The following KANSL1L variants were observed in gnomAD, a reference collection of about 807,000 sequenced individuals.
The protein encoded by KANSL1L is KAT8 regulatory NSL complex subunit 1-like protein.
In KANSL1L, 25 loss-of-function variants were observed where a neutral mutation model predicts 108.6. The ratio of observed to expected loss-of-function variants is 0.23; its 90% CI spans 0.17 to 0.32. The LOEUF (loss-of-function observed/expected upper bound fraction) is 0.32, where lower values mean the gene tolerates loss of function less well. KANSL1L is among the 10% of genes least tolerant of loss of function. The probability of loss-of-function intolerance (pLI) is 1.00; values close to 1 mark genes in which losing one functional copy is unlikely to be tolerated. For synonymous variants in KANSL1L, 405 were observed against 395.1 expected (o/e 1.03, Z -0.30); for missense variants, 1,137 against 1,125.7 (o/e 1.01, Z -0.14).
intron 6 of KANSL1L, among the ~76,000 whole-genome samples, chr2:210,066,168 TAAG>T (rs1363962436): frequency 6.6e-6 from 1 of 152,274 alleles, no homozygotes; most frequent in Admixed American, 6.5e-5. Flanking sequence ...GATTAAGTCT[TAAG>T]AAGAACTCCT....
chr2:210,092,090 G>A (rs2125387719), intron 5 of KANSL1L, among the ~76,000 whole-genome samples: 1 of 152,172 alleles, frequency 6.6e-6, no homozygotes, highest in Admixed American at 6.5e-5. Context: ...GTTGCTTTTG[G>A]ACATTCCATT....
chr2:210,132,493 C>T (rs1412749191), intron 2 of KANSL1L, among the ~76,000 whole-genome samples: 3 of 152,096 alleles, frequency 2.0e-5, no homozygotes, highest in African/African-American at 7.2e-5. Flanking sequence ...TCACTCATTC[C>T]CCAGAAAGGT....
At chr2:210,040,550 G>A (rs777705683) in intron 7 of KANSL1L, 23 bp from the exon 8 acceptor site, 12 of 1,184,288 alleles carry the variant, frequency 1.0e-5, no homozygotes, top group African/African-American at 3.1e-5. Context: ...AATAAAAAAG[G>A]TATTTTCAAA....
intron 10 of KANSL1L, among the ~76,000 whole-genome samples, chr2:210,029,427 G>T (rs1436341938): frequency 6.6e-6 from 1 of 151,850 alleles, no homozygotes; most frequent in Non-Finnish European, 1.5e-5. Context: ...CCCACCTTTT[G>T]ACCTCTCTAT....
chr2:210,043,731 A>G (rs1407873964), intron 7 of KANSL1L: 1 of 376,636 alleles, frequency 2.7e-6, no homozygotes, highest in Admixed American at 4.5e-5. Flanking sequence ...AAGGAATTAA[A>G]GAATCAACTT....
intron 5 of KANSL1L, among the ~76,000 whole-genome samples, chr2:210,079,648 A>ATATATATGTGTGTG (rs1553653240): frequency 1.2e-3 from 18 of 15,216 alleles, no homozygotes; most frequent in South Asian, 3.1e-3. Context: ...ATATATATAT[A>ATATATATGTGTGTG]TATATATATA....
intron 3 of KANSL1L, among the ~76,000 whole-genome samples, chr2:210,115,712 T>A (rs1022593623): frequency 1.3e-5 from 2 of 152,214 alleles, no homozygotes; most frequent in African/African-American, 4.8e-5. Flanking sequence ...ATGCAATCCA[T>A]GAGTTAGCAT....
chr2:210,030,220 C>T lies in KANSL1L; in HGVS notation c.2156-302G>A, dbSNP rs529150265. Among the ~76,000 whole-genome samples, 5 of 152,066 alleles carry T rather than the reference C, an allele frequency of 3.3e-5. No individual in the cohort carries two copies. The East Asian group carries it at 9.7e-4, about 29-fold the overall frequency. ...CCTGTGACTCCTATTCATAGTTGAA[C>T]CACCAGAACTATCTTAATTTTCTTA... On this transcript the variant is annotated intron_variant, in intron 9 of 14. Coordinates refer to ENST00000281772, the MANE Select transcript of KANSL1L (RefSeq NM_152519.4).
At chr2:210,026,364 A>G (rs1462545510) in intron 12 of KANSL1L, 6 of 152,188 alleles carry the variant, frequency 3.9e-5, no homozygotes, top group East Asian at 1.9e-4. Flanking sequence ...ATCCATACCT[A>G]TTCACAACCC....
chr2:210,125,687 G>A lies in KANSL1L; in HGVS notation c.1230+3344C>T, dbSNP rs527419112. ...GAAAGGATGGTTCAGTATTAAAACC[G>A]ATTAATGTAATACACAACATTAACA... On this transcript the variant is annotated intron_variant, in intron 3 of 14. Transcript: ENST00000281772. Among the ~76,000 whole-genome samples the A allele has an allele frequency of 2.7e-4, 41 of 152,202 alleles. 1 individual carries two copies. The South Asian group carries it at 7.5e-3, about 28-fold the overall frequency.
At position 210,057,885 on chromosome 2, in the gene KANSL1L, G is replaced by A. The variant is rs367551775; in HGVS notation, c.1756-13781C>T. 5.9e-4 allele frequency among the ~76,000 whole-genome samples: 90 copies of A among 152,226 alleles called. 2 individuals carry two copies. The South Asian group carries it at 0.014, about 24-fold the overall frequency. On this transcript the variant is annotated intron_variant, in intron 6 of 14. Coordinates refer to ENST00000281772, the MANE Select transcript of KANSL1L (RefSeq NM_152519.4). ...TCTCTTAATCCCGTCATCTTCGTAA[G>A]CTGAGGAGGATGTACATCACCTCAG...
At chr2:210,078,970 A>T (rs1409859236) in intron 5 of KANSL1L, among the ~76,000 whole-genome samples, 1 of 152,168 alleles carries the variant, frequency 6.6e-6, no homozygotes, top group Non-Finnish European at 1.5e-5. Context: ...TCTTTTTTAC[A>T]GACAGGGTTT....
At chr2:210,027,831 T>TTTTGC (rs1405744292) in intron 11 of KANSL1L, among the ~76,000 whole-genome samples, 2 of 152,324 alleles carry the variant, frequency 1.3e-5, no homozygotes, top group African/African-American at 4.8e-5. Flanking sequence ...TGAAATATAT[T>TTTTGC]TTTGCTATAG....
chr2:210,031,847 A>C (rs148250298), intron 8 of KANSL1L, among the ~76,000 whole-genome samples: 2 of 152,172 alleles, frequency 1.3e-5, no homozygotes, highest in African/African-American at 4.8e-5. Context: ...TGGCGATCAG[A>C]ATCTTTAAGT....
chr2:210,048,553 GTGTGTGTATATA>G (rs1208211295), intron 6 of KANSL1L, among the ~76,000 whole-genome samples: 2 of 151,542 alleles, frequency 1.3e-5, no homozygotes, highest in African/African-American at 4.9e-5. Flanking sequence ...GTAGGAATAT[GTGTGTGTATATA>G]TGTGTGTATA....
At position 210,154,128 on chromosome 2, in the gene KANSL1L, A is replaced by G. The variant is rs2125644356; in HGVS notation, c.455T>C (p.Ile152Thr). 1 of 1,614,128 alleles carries G rather than the reference A, an allele frequency of 6.2e-7. No individual in the cohort carries two copies. The highest frequency in any genetic ancestry group is 1.3e-5 in the African/African-American group (1 of 75,062). Reference protein sequence around the residue: ...TSQCMKDVQIILDSNITKDTN... With the variant: ...TSQCMKDVQITLDSNITKDTN... Reference sequence around the variant, plus strand: ...GTCTTTGGTTATATTTGAATCCAGAATAATTTGTACATCTTTCATGCACTG... The same window carrying G: ...GTCTTTGGTTATATTTGAATCCAGAGTAATTTGTACATCTTTCATGCACTG... Residue 152 changes from isoleucine to threonine, a missense_variant, in exon 2 of 15, where the codon ATT becomes ACT. By Grantham distance (89) the Ile-to-Thr change is moderately conservative. Around this residue, in one of 3 missense-constraint regions of KANSL1L, gnomAD observed 556 missense variants for 537.7 expected, o/e 1.03. Coordinates refer to ENST00000281772, the MANE Select transcript of KANSL1L (RefSeq NM_152519.4).
At chr2:210,060,324 G>C (rs2094406301) in intron 6 of KANSL1L, among the ~76,000 whole-genome samples, 1 of 152,140 alleles carries the variant, frequency 6.6e-6, no homozygotes, top group Admixed American at 6.5e-5. Flanking sequence ...TGCCATAGGA[G>C]ACAGATAAAA....
chr2:210,042,020 G>A lies in KANSL1L; in HGVS notation c.1922-1493C>T, dbSNP rs2094169370. 2.0e-5 allele frequency among the ~76,000 whole-genome samples: 3 copies of A among 152,106 alleles called. No individual in the cohort carries two copies. In the South Asian group the frequency reaches 6.2e-4, roughly 32 times the overall value. On this transcript the variant is annotated intron_variant, in intron 7 of 14. Coordinates refer to ENST00000281772, the MANE Select transcript of KANSL1L (RefSeq NM_152519.4). The stretch of plus-strand genomic sequence containing the variant: ...GGATTCTGATATTTTCCAATTACCT[G>A]AACATAAATTTGTTGCATTTGTTTC...
intron 3 of KANSL1L, among the ~76,000 whole-genome samples, chr2:210,112,721 C>T (rs1322800905): frequency 6.6e-6 from 1 of 152,042 alleles, no homozygotes; most frequent in East Asian, 1.9e-4. Flanking sequence ...GGGTAATTAG[C>T]ATATCCATCA....
Sources: gnomAD v4.1 joint callset for allele counts (sites outside exome capture counted in the v4.1 genomes callset) on GRCh38, gnomAD v4.1.1 for gene constraint, gnomAD v4.1.1 regional missense constraint, MANE v1.5 for transcripts, NCBI Gene and HGNC (gene_info 2026-07-23, HGNC 2026-07-21) for gene names.